The following ULK4 variants were observed in gnomAD, a reference collection of about 807,000 sequenced individuals.
ULK4 encodes the protein unc-51 like kinase 4.
Under a neutral mutation model 160.6 loss-of-function variants are expected in ULK4, and 133 were observed. That is an observed-to-expected ratio of 0.83 (90% CI 0.72 to 0.96). The LOEUF (loss-of-function observed/expected upper bound fraction) is 0.96. Among genes scored for constraint, ULK4 ranks in the 40% least tolerant of loss-of-function variants. ULK4 has a pLI of 0.00. For missense variants in ULK4, 1,580 were observed against 1,499.5 expected (o/e 1.05, Z -0.89); for synonymous variants, 534 against 539.8 (o/e 0.99, Z 0.15).
intron 35 of ULK4, among the ~76,000 whole-genome samples, chr3:41,372,015 C>T (rs1259670405): frequency 2.0e-5 from 3 of 151,144 alleles, no homozygotes; most frequent in Non-Finnish European, 4.4e-5. Flanking sequence ...TATCAATAAC[C>T]GAATCAATCA....
At chr3:41,915,713 T>G (rs1195144536) in intron 8 of ULK4, among the ~76,000 whole-genome samples, 2 of 152,184 alleles carry the variant, frequency 1.3e-5, no homozygotes, top group Admixed American at 1.3e-4. Context: ...GTCAACTACT[T>G]AATACATGAA....
intron 32 of ULK4, among the ~76,000 whole-genome samples, chr3:41,564,652 T>A (rs370593989): frequency 8.4e-4 from 127 of 151,680 alleles, no homozygotes; most frequent in African/African-American, 3.0e-3. Flanking sequence ...AGAGATGGGG[T>A]TTTACCACGT....
chr3:41,603,742 G>T (rs2125666915), intron 31 of ULK4, among the ~76,000 whole-genome samples: 3 of 151,824 alleles, frequency 2.0e-5, no homozygotes, highest in Middle Eastern at 3.4e-3. Flanking sequence ...GAAGTACAGG[G>T]GACTTCTCTG....
intron 35 of ULK4, among the ~76,000 whole-genome samples, chr3:41,392,515 CA>C (rs1441991025): frequency 6.6e-6 from 1 of 152,114 alleles, no homozygotes; most frequent in Non-Finnish European, 1.5e-5. Context: ...GATTCTCTAA[CA>C]ACCATGGTTT....
At chr3:41,528,702 C>T (rs2086199766) in intron 32 of ULK4, among the ~76,000 whole-genome samples, 1 of 152,156 alleles carries the variant, frequency 6.6e-6, no homozygotes, top group South Asian at 2.1e-4. Flanking sequence ...TTACATGATT[C>T]CACTAAGGAT....
intron 1 of ULK4, among the ~76,000 whole-genome samples, chr3:41,957,378 G>A (rs1159821311): frequency 1.3e-5 from 2 of 148,684 alleles, no homozygotes; most frequent in Non-Finnish European, 3.0e-5. Context: ...TCACTTGAAC[G>A]CAGGAGGCAG....
chr3:41,897,813 T>C (rs1698216778), intron 14 of ULK4, among the ~76,000 whole-genome samples: 1 of 152,154 alleles, frequency 6.6e-6, no homozygotes. Flanking sequence ...TTACTTCAAA[T>C]CATAGATTCT....
chr3:41,825,193 A>C (rs930345773), intron 18 of ULK4, among the ~76,000 whole-genome samples: 5 of 141,950 alleles, frequency 3.5e-5, no homozygotes, highest in African/African-American at 1.4e-4. Context: ...CCAAAGGTAG[A>C]TAAAACCACA....
At chr3:41,772,055 G>A (rs1303445928) in intron 21 of ULK4, among the ~76,000 whole-genome samples, 1 of 152,066 alleles carries the variant, frequency 6.6e-6, no homozygotes, top group Non-Finnish European at 1.5e-5. Context: ...CAGAATCTCT[G>A]GGACACATTT....
intron 18 of ULK4, among the ~76,000 whole-genome samples, chr3:41,822,521 A>C (rs2041178392): frequency 1.3e-5 from 2 of 151,348 alleles, no homozygotes; most frequent in South Asian, 4.2e-4. Context: ...AAGTTCAAGT[A>C]ATTTTCCTGC....
intron 17 of ULK4, among the ~76,000 whole-genome samples, chr3:41,846,573 G>A (rs2042074471): frequency 6.6e-6 from 1 of 152,138 alleles, no homozygotes; most frequent in African/African-American, 2.4e-5. Context: ...GGGAGGCCGA[G>A]GCAGGCAGAC....
At chr3:41,772,447 C>G (rs1246204825) in intron 21 of ULK4, among the ~76,000 whole-genome samples, 1 of 151,458 alleles carries the variant, frequency 6.6e-6, no homozygotes, top group Non-Finnish European at 1.5e-5. Flanking sequence ...AACACCTCTA[C>G]GCAAATAAAC....
At chr3:41,388,349 C>G (rs1470545314) in intron 35 of ULK4, among the ~76,000 whole-genome samples, 1 of 151,838 alleles carries the variant, frequency 6.6e-6, no homozygotes, top group East Asian at 1.9e-4. Flanking sequence ...ATGGTAGTTT[C>G]TTTTGCTGTG....
At chr3:41,443,495 T>C (rs1385357059) in intron 34 of ULK4, among the ~76,000 whole-genome samples, 2 of 152,322 alleles carry the variant, frequency 1.3e-5, no homozygotes, top group Non-Finnish European at 2.9e-5. Context: ...TAGTCACTAA[T>C]GGTGATGTGC....
intron 4 of ULK4, 63 bp from the exon 5 acceptor site, chr3:41,932,069 C>T (rs1699622808): frequency 1.4e-6 from 2 of 1,451,280 alleles, no homozygotes; most frequent in Admixed American, 2.0e-5. Context: ...TATATCAGTA[C>T]CTCTTATAAT....
chr3:41,558,796 A>G (rs559164592), intron 32 of ULK4, among the ~76,000 whole-genome samples: 1 of 151,886 alleles, frequency 6.6e-6, no homozygotes, highest in Non-Finnish European at 1.5e-5. Context: ...TGACTTGGTA[A>G]TTTTATTCAG....
intron 25 of ULK4, among the ~76,000 whole-genome samples, chr3:41,709,961 T>C (rs1340765625): frequency 6.6e-6 from 1 of 152,174 alleles, no homozygotes; most frequent in African/African-American, 2.4e-5. Flanking sequence ...GCTGGTGATG[T>C]GAACAATAAT....
chr3:41,951,625 A>C (rs1700298744), intron 2 of ULK4, among the ~76,000 whole-genome samples: 2 of 152,210 alleles, frequency 1.3e-5, no homozygotes, highest in Non-Finnish European at 1.5e-5. Flanking sequence ...AATGGTGCTG[A>C]GAAAACTGGA....
At chr3:41,769,814 C>T (rs1287609731) in intron 21 of ULK4, among the ~76,000 whole-genome samples, 2 of 152,116 alleles carry the variant, frequency 1.3e-5, no homozygotes, top group African/African-American at 4.8e-5. Flanking sequence ...AGGTAGAGAA[C>T]TTCAAAATTA....
Sources: gnomAD v4.1 joint callset for allele counts (sites outside exome capture counted in the v4.1 genomes callset) on GRCh38, gnomAD v4.1.1 for gene constraint, MANE v1.5 for transcripts, NCBI Gene and HGNC (gene_info 2026-07-23, HGNC 2026-07-21) for gene names.